SEC22C: variants seen among roughly 807,000 people sequenced by gnomAD.
The protein encoded by SEC22C is vesicle-trafficking protein SEC22c.
Under a neutral mutation model 34.7 loss-of-function variants are expected in SEC22C, and 29 were observed. The ratio of observed to expected loss-of-function variants is 0.84; its 90% confidence interval spans 0.62 to 1.14. The LOEUF (loss-of-function observed/expected upper bound fraction) is 1.14. SEC22C is among the 50% of genes most tolerant of loss of function. SEC22C has a pLI of 0.00. For missense variants in SEC22C, 337 were observed against 369.0 expected, an observed-to-expected ratio of 0.91 and a Z score of 0.71; for synonymous variants, 117 against 132.8, an observed-to-expected ratio of 0.88 and a Z score of 0.82.
intron 2 of SEC22C, chr3:42,565,651 G>A (rs1703190439): frequency 2.1e-5 from 6 of 286,888 alleles, no homozygotes; most frequent in South Asian, 1.6e-4. Flanking sequence ...CATGGAGACA[G>A]AGCCTGCAGT....
chr3:42,567,379 T>A (rs1169319154), intron 2 of SEC22C, among the ~76,000 whole-genome samples: 2 of 152,204 alleles, frequency 1.3e-5, no homozygotes, highest in Non-Finnish European at 2.9e-5. Flanking sequence ...TTGCTCTGAG[T>A]CCTAGAACAG....
chr3:42,554,393 G>A (rs1176360748), intron 6 of SEC22C, among the ~76,000 whole-genome samples: 1 of 152,162 alleles, frequency 6.6e-6, no homozygotes, highest in Non-Finnish European at 1.5e-5. Context: ...TGCCCAGGCT[G>A]GAACACAGTG....
intron 1 of SEC22C, among the ~76,000 whole-genome samples, chr3:42,596,044 T>TG (rs1705019023): frequency 6.6e-6 from 1 of 152,090 alleles, no homozygotes; most frequent in Non-Finnish European, 1.5e-5. Context: ...TTTTTGTTTT[T>TG]TTTTGAGACG....
At chr3:42,566,902 TATCA>T (rs896430019) in intron 2 of SEC22C, 14 of 271,638 alleles carry the variant, frequency 5.2e-5, no homozygotes, top group East Asian at 1.1e-4. Flanking sequence ...GGAGGCTATC[TATCA>T]ATCAATCAAT....
chr3:42,561,099 G>C lies in SEC22C; in HGVS notation c.526+18C>G, dbSNP rs1559515754. On this transcript the variant is annotated intron_variant, in intron 4 of 6. Coordinates refer to ENST00000264454, the MANE Select transcript of SEC22C (RefSeq NM_032970.4). ...ACAATATCACTTCATCAACATCAGG[G>C]AACAACAAGCCACTTACCAGGCTCC... is the stretch of plus-strand genomic sequence containing the variant. The C allele has an allele frequency of 6.9e-6, 11 of 1,605,020 alleles. No individual in the cohort carries two copies. Among genetic ancestry groups the C allele is most frequent in the East Asian group, 2.2e-5 (1 of 44,646 alleles).
chr3:42,583,029 A>T (rs1157644979), upstream of SEC22C, among the ~76,000 whole-genome samples: 1 of 152,242 alleles, frequency 6.6e-6, no homozygotes, highest in Non-Finnish European at 1.5e-5. Context: ...CCACAAAAAG[A>T]AAAGAAACTC....
intron 1 of SEC22C, among the ~76,000 whole-genome samples, chr3:42,597,555 CAAAA>C (rs1240922376): frequency 2.9e-4 from 21 of 72,008 alleles, no homozygotes; most frequent in African/African-American, 8.5e-4. Flanking sequence ...GACTTTGTCT[CAAAA>C]AAAAAAAAAA....
At chr3:42,554,975 AAAC>A (rs200523696) in intron 6 of SEC22C, among the ~76,000 whole-genome samples, 5,040 of 145,992 alleles carry the variant, frequency 0.035, 138 homozygotes, top group East Asian at 0.12. Flanking sequence ...TTACTATTTA[AAAC>A]AACAACAACA....
At chr3:42,600,986 C>T (rs1288756215) in exon 1 of SEC22C, 3 of 1,549,600 alleles carry the variant, frequency 1.9e-6, no homozygotes, top group South Asian at 2.4e-5. Context: ...TCTCCCAGCT[C>T]TTGCCGCCAC....
At position 42,561,202 on chromosome 3, in the gene SEC22C, C is replaced by A; in HGVS notation, c.441G>T (p.Leu147Phe). The change falls in exon 4 of 7, where the codon TTG becomes TTT. Residue 147 changes from leucine to phenylalanine, a missense_variant. Physicochemically the swap from Leu to Phe is conservative, Grantham distance 22. Transcript: ENST00000264454. The part of the protein sequence containing the change: ...SLEKIQEELK[L>F]QPPAVLTLED... ...CCAGAGTGAGAACCGCTGGAGGCTG[C>A]AACTTGAGCTCCTCCTGAATTTTTT... 1 of 1,614,192 alleles carries A rather than the reference C, an allele frequency of 6.2e-7. No individual in the cohort carries two copies. Among genetic ancestry groups the A allele is most frequent in the South Asian group, 1.1e-5 (1 of 91,082 alleles).
intron 6 of SEC22C, 33 bp from the exon 7 acceptor site, chr3:42,553,481 G>A: frequency 6.2e-7 from 1 of 1,603,288 alleles, no homozygotes. Flanking sequence ...ATTCCAATCA[G>A]AGATAAAATG....
upstream of SEC22C, among the ~76,000 whole-genome samples, chr3:42,584,340 C>T (rs894254658): frequency 3.9e-5 from 6 of 152,164 alleles, no homozygotes; most frequent in South Asian, 6.2e-4. Flanking sequence ...CTGCAACCTG[C>T]GCCTCCCAGG....
At chr3:42,575,809 A>C (rs1703926108) in intron 1 of SEC22C, among the ~76,000 whole-genome samples, 1 of 152,224 alleles carries the variant, frequency 6.6e-6, no homozygotes, top group Admixed American at 6.5e-5. Flanking sequence ...ATCCAACAAC[A>C]GAAGAATTCC....
chr3:42,600,474 G>C (rs1052297026), intron 1 of SEC22C: 1 of 151,924 alleles, frequency 6.6e-6, no homozygotes, highest in Non-Finnish European at 1.5e-5. Flanking sequence ...CTTCAAAGGG[G>C]GGGGCAAACA....
intron 1 of SEC22C, chr3:42,594,472 A>G (rs1159619172): frequency 7.1e-5 from 114 of 1,613,948 alleles, no homozygotes; most frequent in Non-Finnish European, 9.6e-5. Flanking sequence ...ACCATTGCAG[A>G]TGCCAGTCCA....
At chr3:42,600,710 G>T (rs1444242788) in intron 1 of SEC22C, 2 of 263,266 alleles carry the variant, frequency 7.6e-6, no homozygotes, top group Non-Finnish European at 7.2e-6. Context: ...AGCGGCGTTG[G>T]GGTTTGGCTG....
At chr3:42,586,912 C>A (rs1261876486), upstream of SEC22C, among the ~76,000 whole-genome samples, 1 of 152,208 alleles carries the variant, frequency 6.6e-6, no homozygotes, top group East Asian at 1.9e-4. Flanking sequence ...GCATCTCCCC[C>A]ACTGTTCCCT....
At chr3:42,560,231 T>C (rs1416858612) in intron 4 of SEC22C, among the ~76,000 whole-genome samples, 1 of 146,994 alleles carries the variant, frequency 6.8e-6, no homozygotes, top group Non-Finnish European at 1.5e-5. Flanking sequence ...TACAGTTCAA[T>C]AAGTAACTTA....
chr3:42,578,354 T>G (rs1704100474), intron 1 of SEC22C, among the ~76,000 whole-genome samples: 1 of 152,168 alleles, frequency 6.6e-6, no homozygotes, highest in Admixed American at 6.5e-5. Flanking sequence ...TACGTAACAT[T>G]CTTGAAATGA....
Sources: gnomAD v4.1 joint callset for allele counts (sites outside exome capture counted in the v4.1 genomes callset) on GRCh38, gnomAD v4.1.1 for gene constraint, MANE v1.5 for transcripts, NCBI Gene and HGNC (gene_info 2026-07-23, HGNC 2026-07-21) for gene names.